The following TRAF3 variants were observed in gnomAD, a reference collection of about 807,000 sequenced individuals.
The protein encoded by TRAF3 is TNF receptor-associated factor 3.
TRAF3 carries 13 observed loss-of-function variants against 62.3 expected under a neutral mutation model. The observed-to-expected ratio is 0.21, with a 90% CI of 0.14 to 0.33. The LOEUF is 0.33. Ranked by LOEUF, TRAF3 falls within the 10% of genes least tolerant of loss-of-function variation. The pLI is 1.00. For missense variants in TRAF3, 440 were observed against 741.8 expected, an observed-to-expected ratio of 0.59 and a Z score of 4.73; for synonymous variants, 269 against 283.4, an observed-to-expected ratio of 0.95 and a Z score of 0.51.
chr14:102,892,035 T>TCCCATGC (rs1162088944), intron 9 of TRAF3, among the ~76,000 whole-genome samples: 2 of 148,068 alleles, frequency 1.4e-5, no homozygotes, highest in Non-Finnish European at 3.0e-5. Flanking sequence ...AAAGAGACTC[T>TCCCATGC]CCCATGCTGT....
intron 2 of TRAF3, among the ~76,000 whole-genome samples, chr14:102,836,721 C>T (rs559584802): frequency 1.3e-5 from 2 of 152,262 alleles, no homozygotes; most frequent in East Asian, 1.9e-4. Flanking sequence ...AAGAATATTA[C>T]AATCAAAGAA....
Position 102,871,919 on chromosome 14 carries a change from C to T in TRAF3, c.248C>T (p.Ser83Phe). ...CAGTCACTTGTGTTTCCCTGCAGCT[C>T]TTCAAGTCCAAAATGTACAGCGTGT... ...CESCMAALLS[S>F]SSPKCTACQE... Residue 83 changes from serine (S) to phenylalanine (F), a missense_variant and splice_region_variant, in exon 4 of 12, where the codon TCT (serine) becomes TTT (phenylalanine). Physicochemically the swap from Ser to Phe is radical, Grantham distance 155. This residue lies in a region of TRAF3 where 255 missense variants were observed against 424.1 expected (regional missense o/e 0.60). Coordinates refer to ENST00000392745, the MANE Select transcript of TRAF3 (RefSeq NM_145725.3). 6.2e-7 allele frequency: 1 copy of T among 1,614,154 alleles called. No individual in the cohort carries two copies. The highest frequency in any genetic ancestry group is 2.2e-5 in the East Asian group (1 of 44,884).
At chr14:102,886,161 A>G (rs1889370908) in intron 6 of TRAF3, 28 bp from the exon 7 acceptor site, 8 of 1,610,358 alleles carry the variant, frequency 5.0e-6, no homozygotes, top group African/African-American at 1.3e-5. Flanking sequence ...TGTGTGTTTA[A>G]AGTTGATAGT....
chr14:102,832,390 C>T (rs1900747593), intron 2 of TRAF3, among the ~76,000 whole-genome samples: 1 of 152,178 alleles, frequency 6.6e-6, no homozygotes, highest in Admixed American at 6.5e-5. Context: ...TTATCAAGCA[C>T]TGGCCGGGCG....
intron 10 of TRAF3, among the ~76,000 whole-genome samples, chr14:102,898,426 G>A (rs1890110308): frequency 6.6e-6 from 1 of 152,230 alleles, no homozygotes; most frequent in South Asian, 2.1e-4. Context: ...ATTTTGCTGA[G>A]GGCCCAGTGA....
At chr14:102,822,422 C>A (rs1202565636) in intron 1 of TRAF3, among the ~76,000 whole-genome samples, 1 of 152,134 alleles carries the variant, frequency 6.6e-6, no homozygotes, top group African/African-American at 2.4e-5. Flanking sequence ...CAGATTTTCT[C>A]TATTTAGTAT....
chr14:102,832,737 A>G (rs1277378706), intron 2 of TRAF3, among the ~76,000 whole-genome samples: 1 of 152,144 alleles, frequency 6.6e-6, no homozygotes, highest in African/African-American at 2.4e-5. Context: ...TCTTATACAC[A>G]CACAAACACA....
At chr14:102,837,469 G>A (rs981279569) in intron 2 of TRAF3, among the ~76,000 whole-genome samples, 1 of 151,976 alleles carries the variant, frequency 6.6e-6, no homozygotes, top group Admixed American at 6.6e-5. Flanking sequence ...TAAATGATGT[G>A]ATAAATTTTA....
intron 1 of TRAF3, among the ~76,000 whole-genome samples, chr14:102,789,594 A>ATATGTGTGTG (rs139710242): frequency 8.1e-5 from 12 of 148,792 alleles, no homozygotes; most frequent in Admixed American, 2.7e-4. Flanking sequence ...AAAAGGATAT[A>ATATGTGTGTG]TGTGTGTGTG....
In TRAF3 at chr14:102,791,309, G is replaced by A. The variant is rs1461913134; in HGVS notation, c.-157+13634G>A. Among the ~76,000 whole-genome samples, 4 of 152,162 alleles carry A rather than the reference G, an allele frequency of 2.6e-5. 1 individual carries two copies. The highest frequency in any genetic ancestry group is 4.1e-4 in the South Asian group (2 of 4,820). ...GCTGGGATTACAGGTATGAGCCACC[G>A]CGCCCAGCTGAACTTGGGATGTCTT... is the stretch of plus-strand genomic sequence containing the variant. On this transcript the variant is annotated intron_variant, in intron 1 of 11. Transcript: ENST00000392745.
At chr14:102,857,805 G>C (rs891579462) in intron 2 of TRAF3, among the ~76,000 whole-genome samples, 1 of 152,178 alleles carries the variant, frequency 6.6e-6, no homozygotes, top group African/African-American at 2.4e-5. Context: ...CTCTAATTGT[G>C]TCCTGTTGCA....
chr14:102,806,312 G>A (rs757656449), intron 1 of TRAF3, among the ~76,000 whole-genome samples: 64 of 152,106 alleles, frequency 4.2e-4, no homozygotes, highest in Non-Finnish European at 5.3e-4. Context: ...ACTTTCTACA[G>A]AAATTCAGTC....
chr14:102,787,208 A>G (rs907954001), intron 1 of TRAF3, among the ~76,000 whole-genome samples: 2 of 152,208 alleles, frequency 1.3e-5, no homozygotes, highest in Non-Finnish European at 2.9e-5. Flanking sequence ...TTGGACTGCA[A>G]ATAAATTATT....
rs1270197365 is a variant in TRAF3 at position 102,783,203 on chromosome 14, G to A, written c.-157+5528G>A. Among the ~76,000 whole-genome samples the A allele has an allele frequency of 2.0e-5, 3 of 152,210 alleles. No homozygotes were observed. In the East Asian group the frequency reaches 5.8e-4, roughly 29 times the overall value. On this transcript the variant is annotated intron_variant, in intron 1 of 11. Transcript: ENST00000392745. Reference sequence around the variant, plus strand: ...CAGTGGTTCCATGTGTTTGGAATGTGTGTCGGCACTTGGGTGTGCCTTGTA... The same window carrying A: ...CAGTGGTTCCATGTGTTTGGAATGTATGTCGGCACTTGGGTGTGCCTTGTA...
chr14:102,835,837 G>A (rs1315375129), intron 2 of TRAF3, among the ~76,000 whole-genome samples: 1 of 152,126 alleles, frequency 6.6e-6, no homozygotes. Flanking sequence ...AAAGTAATCT[G>A]TACATCAAAC....
intron 6 of TRAF3, among the ~76,000 whole-genome samples, chr14:102,882,113 G>C (rs572065306): frequency 1.3e-5 from 2 of 152,306 alleles, no homozygotes; most frequent in South Asian, 4.1e-4. Flanking sequence ...AACAAGGAAG[G>C]ACCAGTTACA....
chr14:102,853,711 T>A lies in TRAF3; in HGVS notation c.-17-16474T>A, dbSNP rs8017944. Reference sequence around the variant, plus strand: ...AAATTAGCTGGGCATGGTGGCACACTCCTGTAACCTCAGGCAATTGGGAGG... The same window carrying A: ...AAATTAGCTGGGCATGGTGGCACACACCTGTAACCTCAGGCAATTGGGAGG... On this transcript the variant is annotated intron_variant, in intron 2 of 11. Coordinates refer to ENST00000392745, the MANE Select transcript of TRAF3 (RefSeq NM_145725.3). Among the ~76,000 whole-genome samples the A allele has an allele frequency of 5.7e-3, 868 of 151,506 alleles. 9 individuals are homozygous for A. The highest frequency in any genetic ancestry group is 9.9e-3 in the Admixed American group (151 of 15,240).
intron 2 of TRAF3, among the ~76,000 whole-genome samples, chr14:102,865,439 C>CT (rs1476580236): frequency 1.3e-5 from 2 of 151,168 alleles, no homozygotes; most frequent in Non-Finnish European, 2.9e-5. Context: ...GAGCTGCTTT[C>CT]TGTTTTTATA....
intron 1 of TRAF3, among the ~76,000 whole-genome samples, chr14:102,788,979 G>C (rs1317126297): frequency 3.3e-5 from 5 of 152,010 alleles, no homozygotes; most frequent in Non-Finnish European, 7.4e-5. Context: ...TCTTAAAAAA[G>C]AAAAACAACT....
Sources: gnomAD v4.1 joint callset for allele counts (sites outside exome capture counted in the v4.1 genomes callset) on GRCh38, gnomAD v4.1.1 for gene constraint, gnomAD v4.1.1 regional missense constraint, MANE v1.5 for transcripts, NCBI Gene and HGNC (gene_info 2026-07-23, HGNC 2026-07-21) for gene names.